CDKL1: variants seen among roughly 807,000 people sequenced by gnomAD.
CDKL1 encodes the protein cyclin dependent kinase like 1.
In CDKL1, 41 loss-of-function variants were observed where a neutral mutation model predicts 42.0. That is an observed-to-expected ratio of 0.98 (90% CI 0.76 to 1.27). The LOEUF (loss-of-function observed/expected upper bound fraction) is 1.27. Ranked by LOEUF, CDKL1 falls within the 50% of genes most tolerant of loss-of-function variation. The pLI is 0.00. For missense variants in CDKL1, 394 were observed against 428.4 expected (o/e 0.92, Z 0.71); for synonymous variants, 153 against 158.6 (o/e 0.96, Z 0.26).
At chr14:50,370,858 G>T (rs1427408964) in intron 2 of CDKL1, among the ~76,000 whole-genome samples, 2 of 152,126 alleles carry the variant, frequency 1.3e-5, no homozygotes, top group Non-Finnish European at 2.9e-5. Context: ...TGAGGGATCT[G>T]CCCCCATGAT....
At chr14:50,331,616 A>T (rs1458463379) in intron 9 of CDKL1, 1 of 193,160 alleles carries the variant, frequency 5.2e-6, no homozygotes, top group Non-Finnish European at 1.1e-5. Context: ...ACCTAGGTAG[A>T]TCCTGAGGTT....
At chr14:50,350,853 G>T (rs1355333450) in intron 3 of CDKL1, among the ~76,000 whole-genome samples, 1 of 152,160 alleles carries the variant, frequency 6.6e-6, no homozygotes, top group Admixed American at 6.5e-5. Context: ...AGCTCCAGTT[G>T]TTCCTCCAGA....
chr14:50,354,824 T>C (rs896250370), intron 3 of CDKL1, among the ~76,000 whole-genome samples: 1 of 152,216 alleles, frequency 6.6e-6, no homozygotes, highest in African/African-American at 2.4e-5. Flanking sequence ...TTAGTGTCCA[T>C]TTCAGGTTCA....
chr14:50,375,915 A>G (rs928528931), intron 2 of CDKL1, among the ~76,000 whole-genome samples: 1 of 152,184 alleles, frequency 6.6e-6, no homozygotes, highest in Admixed American at 6.5e-5. Flanking sequence ...ATTCCAACAG[A>G]GGGACATTCT....
chr14:50,396,897 G>C (rs2035428116), upstream of CDKL1: 4 of 242,076 alleles, frequency 1.7e-5, no homozygotes, highest in Middle Eastern at 1.6e-3. Context: ...GGCGTGGCTC[G>C]GCCCGCGATC....
chr14:50,368,813 G>T (rs1409730679), intron 2 of CDKL1, among the ~76,000 whole-genome samples: 1 of 150,228 alleles, frequency 6.7e-6, no homozygotes, highest in East Asian at 2.0e-4. Flanking sequence ...AAGGTCAATT[G>T]CTTGGCCTGT....
intron 2 of CDKL1, among the ~76,000 whole-genome samples, chr14:50,388,906 C>G (rs759078694): frequency 2.0e-5 from 3 of 151,408 alleles, no homozygotes; most frequent in African/African-American, 4.9e-5. Context: ...GAGACCAGCC[C>G]GGACAACACA....
At chr14:50,333,616 A>G (rs1806794286) in intron 8 of CDKL1, 1 of 152,178 alleles carries the variant, frequency 6.6e-6, no homozygotes, top group Non-Finnish European at 1.5e-5. Flanking sequence ...TAGAGTAGCC[A>G]TTCTTTTATT....
At chr14:50,363,732 G>A (rs1426586868) in intron 2 of CDKL1, 1 of 152,216 alleles carries the variant, frequency 6.6e-6, no homozygotes, top group Non-Finnish European at 1.5e-5. Flanking sequence ...ACCTTCTCTG[G>A]ATGCCAAGCC....
At chr14:50,372,201 C>T (rs1364228739) in intron 2 of CDKL1, among the ~76,000 whole-genome samples, 1 of 152,068 alleles carries the variant, frequency 6.6e-6, no homozygotes, top group Non-Finnish European at 1.5e-5. Context: ...GCAACCCTTG[C>T]CTCCTGGCTG....
chr14:50,336,929 T>C (rs1416285046), intron 7 of CDKL1, among the ~76,000 whole-genome samples: 1 of 152,202 alleles, frequency 6.6e-6, no homozygotes, highest in Non-Finnish European at 1.5e-5. Flanking sequence ...TATGTAAATA[T>C]ATGTATATAT....
At chr14:50,345,747 C>A (rs1456906595) in intron 3 of CDKL1, among the ~76,000 whole-genome samples, 1 of 152,176 alleles carries the variant, frequency 6.6e-6, no homozygotes, top group Non-Finnish European at 1.5e-5. Context: ...TTTCCCTATG[C>A]TGCCATGGCA....
At chr14:50,393,590 T>A (rs1329950804) in intron 2 of CDKL1, among the ~76,000 whole-genome samples, 4 of 152,174 alleles carry the variant, frequency 2.6e-5, no homozygotes, top group Non-Finnish European at 5.9e-5. Flanking sequence ...GCCATCCTCT[T>A]GCCTTGGCCT....
At chr14:50,336,335 T>C (rs931051027) in intron 7 of CDKL1, 1 of 1,058,320 alleles carries the variant, frequency 9.4e-7, no homozygotes. Context: ...CTTACATTTA[T>C]GAAACCTGGG....
intron 7 of CDKL1, among the ~76,000 whole-genome samples, chr14:50,337,093 C>A (rs756249150): frequency 1.3e-5 from 2 of 152,138 alleles, no homozygotes; most frequent in African/African-American, 2.4e-5. Context: ...ACTGCAACCT[C>A]CACCTCCCAA....
intron 3 of CDKL1, among the ~76,000 whole-genome samples, chr14:50,355,248 A>T (rs2034022270): frequency 6.6e-6 from 1 of 152,204 alleles, no homozygotes; most frequent in Non-Finnish European, 1.5e-5. Context: ...AACAATACTT[A>T]AAAATATCCC....
chr14:50,375,829 A>G (rs1483998501), intron 2 of CDKL1, among the ~76,000 whole-genome samples: 1 of 152,156 alleles, frequency 6.6e-6, no homozygotes, highest in Non-Finnish European at 1.5e-5. Flanking sequence ...TCATGTTGAT[A>G]GTATGTACAC....
chr14:50,335,894 G>C, intron 7 of CDKL1: 1 of 1,266,138 alleles, frequency 7.9e-7, no homozygotes. Flanking sequence ...AAGAGCCTCT[G>C]TTTCAGAGTT....
Position 50,329,952 on chromosome 14 carries a change from C to T in CDKL1, c.*122G>A, listed in dbSNP as rs868184608. 239 of 1,227,674 alleles carry T rather than the reference C, an allele frequency of 1.9e-4. 1 individual carries two copies. In the Middle Eastern group the frequency reaches 3.9e-3, roughly 20 times the overall value. The allele number at this position is 1,227,674 out of a possible 1,614,324, so 76.0% of individuals were successfully genotyped here. A position where few individuals can be genotyped will look rare whatever the true frequency, so the allele number is the denominator to read the frequency against. On this transcript the variant is annotated 3_prime_UTR_variant, in exon 10 of 10. Coordinates refer to ENST00000395834, the MANE Select transcript of CDKL1 (RefSeq NM_004196.7). ...ATCTTGCCAGTTGGCCTCCCAGTTTCTTGCTTATGTTTTCTCCTGGTGTGT... is the reference window on the plus strand; with the variant it reads ...ATCTTGCCAGTTGGCCTCCCAGTTTTTTGCTTATGTTTTCTCCTGGTGTGT...
Sources: gnomAD v4.1 joint callset for allele counts (sites outside exome capture counted in the v4.1 genomes callset) on GRCh38, gnomAD v4.1.1 for gene constraint, MANE v1.5 for transcripts, NCBI Gene and HGNC (gene_info 2026-07-23, HGNC 2026-07-21) for gene names.